SIPA1L3: variants seen among roughly 807,000 people sequenced by gnomAD.
The protein encoded by SIPA1L3 is signal-induced proliferation-associated 1-like protein 3.
SIPA1L3 carries 59 observed loss-of-function variants against 150.1 expected under a neutral mutation model. The ratio of observed to expected loss-of-function variants is 0.39; its 90% CI spans 0.32 to 0.49. The LOEUF (loss-of-function observed/expected upper bound fraction) is 0.49, where lower values mean the gene tolerates loss of function less well. Among genes scored for constraint, SIPA1L3 ranks in the 20% least tolerant of loss-of-function variants. SIPA1L3 has a pLI of 0.86. For synonymous variants in SIPA1L3, 1,070 were observed against 1,077.6 expected (o/e 0.99, Z 0.14); for missense variants, 2,211 against 2,489.5 (o/e 0.89, Z 2.38).
In SIPA1L3 at chr19:38,082,215, G is replaced by A. The variant is rs1332386144; in HGVS notation, c.650G>A (p.Ser217Asn). 1.2e-6 allele frequency: 2 copies of A among 1,602,692 alleles called. No homozygotes were observed. The highest frequency in any genetic ancestry group is 1.7e-6 in the Non-Finnish European group (2 of 1,179,750). ...GACGTGCAGGGCATGCCCGAGCAGA[G>A]CTTCTTCGACATCCTGAACGAGTTC... Reference protein sequence around the residue: ...SIDVQGMPEQSFFDILNEFRS... With the variant: ...SIDVQGMPEQNFFDILNEFRS... The change falls in exon 3 of 22, where the codon AGC (serine) becomes AAC (asparagine). Residue 217 changes from serine to asparagine, a missense_variant. By Grantham distance (46) the Ser-to-Asn change is conservative. Around this residue, in one of 5 missense-constraint regions of SIPA1L3, gnomAD observed 587 missense variants for 534.5 expected, o/e 1.10. Transcript: ENST00000222345.
chr19:38,105,772 T>C (rs983626858), intron 6 of SIPA1L3, among the ~76,000 whole-genome samples: 1 of 152,226 alleles, frequency 6.6e-6, no homozygotes, highest in Non-Finnish European at 1.5e-5. Flanking sequence ...TGTATATTTT[T>C]CCACAGTGTG....
At chr19:38,106,383 A>G (rs1970623892) in intron 6 of SIPA1L3, 154 bp from the exon 7 acceptor site, 1 of 642,110 alleles carries the variant, frequency 1.6e-6, no homozygotes, top group African/African-American at 1.8e-5. Context: ...CTGGGATTAT[A>G]GGTGTGAACC....
intron 1 of SIPA1L3, among the ~76,000 whole-genome samples, chr19:37,997,864 C>CA (rs967452351): frequency 0.094 from 6,457 of 68,744 alleles, 228 homozygotes; most frequent in African/African-American, 0.15. Context: ...GACTCCATCT[C>CA]AAAAAAAAAA....
chr19:38,001,282 A>G lies in SIPA1L3; in HGVS notation c.-378-27807A>G, dbSNP rs554263958. On this transcript the variant is annotated intron_variant, in intron 1 of 21. Transcript: ENST00000222345. ...TTCTACCTAGAAAGTTCTTGATATC[A>G]AAGATGATCCCTCAAACTCCATTCT... is the stretch of plus-strand genomic sequence containing the variant. Among the ~76,000 whole-genome samples, 32 of 152,052 alleles carry G rather than the reference A, an allele frequency of 2.1e-4. No homozygotes were observed. In the South Asian group the frequency reaches 6.2e-3, roughly 30 times the overall value.
chr19:38,063,218 A>G (rs2145784012), intron 2 of SIPA1L3, among the ~76,000 whole-genome samples: 1 of 149,792 alleles, frequency 6.7e-6, no homozygotes, highest in Non-Finnish European at 1.5e-5. Flanking sequence ...TCCCCACTCC[A>G]ACCTGGATAA....
chr19:38,006,381 C>T (rs1290927457), intron 1 of SIPA1L3, among the ~76,000 whole-genome samples: 2 of 152,036 alleles, frequency 1.3e-5, no homozygotes, highest in Admixed American at 6.6e-5. Context: ...TGGGGCATCA[C>T]GCCTTTTACC....
At chr19:38,063,362 C>T (rs1969498215) in intron 2 of SIPA1L3, among the ~76,000 whole-genome samples, 1 of 152,208 alleles carries the variant, frequency 6.6e-6, no homozygotes, top group Admixed American at 6.5e-5. Context: ...CGCCCCCCAT[C>T]CCCTCAGCCT....
intron 9 of SIPA1L3, among the ~76,000 whole-genome samples, chr19:38,124,995 A>AGAGTGGGAGAGGGAGACCGTGGGGAGAGG (rs1971138548): frequency 9.7e-6 from 1 of 103,076 alleles, no homozygotes; most frequent in Admixed American, 1.0e-4. Flanking sequence ...GACTGTGGAA[A>AGAGTGGGAGAGGGAGACCGTGGGGAGAGG]GAGAGGGAGA....
intron 16 of SIPA1L3, 137 bp from the exon 17 acceptor site, chr19:38,192,008 G>C (rs1972814843): frequency 1.4e-6 from 1 of 726,736 alleles, no homozygotes; most frequent in South Asian, 1.9e-5. Flanking sequence ...GCCCCTCTCT[G>C]CCACGCGTTT....
chr19:37,918,250 T>A (rs1422608005), intron 1 of SIPA1L3, among the ~76,000 whole-genome samples: 1 of 151,678 alleles, frequency 6.6e-6, no homozygotes, highest in East Asian at 2.0e-4. Context: ...TTCTTTGTTT[T>A]TTGTTTGTTT....
At chr19:37,987,560 G>A (rs1256202447) in intron 1 of SIPA1L3, among the ~76,000 whole-genome samples, 3 of 152,152 alleles carry the variant, frequency 2.0e-5, no homozygotes, top group Admixed American at 6.5e-5. Context: ...ACCCCCCAGC[G>A]GGGATCATCA....
chr19:38,120,619 G>T (rs1179702194), intron 9 of SIPA1L3, among the ~76,000 whole-genome samples: 2 of 152,230 alleles, frequency 1.3e-5, no homozygotes, highest in South Asian at 2.1e-4. Flanking sequence ...TTACATGGCA[G>T]GAATGAGTTC....
intron 1 of SIPA1L3, among the ~76,000 whole-genome samples, chr19:38,018,138 G>C (rs944220667): frequency 7.0e-6 from 1 of 142,666 alleles, no homozygotes; most frequent in African/African-American, 2.6e-5. Flanking sequence ...CATTCAGTCT[G>C]GATAGCCCTT....
chr19:38,120,196 T>TA (rs1568560369), intron 9 of SIPA1L3, among the ~76,000 whole-genome samples: 1 of 152,010 alleles, frequency 6.6e-6, no homozygotes, highest in African/African-American at 2.4e-5. Flanking sequence ...CCATGGCTCA[T>TA]ACCTGTAATC....
At chr19:37,973,562 G>T (rs573227130) in intron 1 of SIPA1L3, among the ~76,000 whole-genome samples, 2 of 142,314 alleles carry the variant, frequency 1.4e-5, no homozygotes, top group Non-Finnish European at 3.0e-5. Flanking sequence ...AAAGCGGGAG[G>T]GGGGCGCATC....
At chr19:38,146,581 C>T (rs899428256) in intron 12 of SIPA1L3, among the ~76,000 whole-genome samples, 1 of 152,102 alleles carries the variant, frequency 6.6e-6, no homozygotes, top group Admixed American at 6.6e-5. Context: ...GATAAATGCC[C>T]AGGAGTACAA....
Position 38,182,569 on chromosome 19 carries a change from G to A in SIPA1L3, c.4259G>A (p.Ser1420Asn), listed in dbSNP as rs781076511. Reference sequence around the variant, plus strand: ...CCCGCTCAGGTTTACAAAACTGCCAGTGCAGAGACTCCTCGGCCCTCCCAG... The same window carrying A: ...CCCGCTCAGGTTTACAAAACTGCCAATGCAGAGACTCCTCGGCCCTCCCAG... ...GYPAQVYKTASAETPRPSQLA... is the reference protein window; with the variant it reads ...GYPAQVYKTANAETPRPSQLA... Residue 1420 changes from serine (S) to asparagine (N), a missense_variant, in exon 16 of 22, where the codon AGT becomes AAT. By Grantham distance (46) the Ser-to-Asn change is conservative. Transcript: ENST00000222345. 6.8e-6 allele frequency: 11 copies of A among 1,614,016 alleles called. No individual in the cohort carries two copies. Among genetic ancestry groups the A allele is most frequent in the Non-Finnish European group, 2.5e-6 (3 of 1,180,014 alleles).
intron 2 of SIPA1L3, among the ~76,000 whole-genome samples, chr19:38,053,720 C>A (rs1294644915): frequency 6.6e-6 from 1 of 152,020 alleles, no homozygotes; most frequent in Non-Finnish European, 1.5e-5. Context: ...ACACGCCCAG[C>A]TAATTTTTAT....
intron 19 of SIPA1L3, among the ~76,000 whole-genome samples, chr19:38,201,345 C>G (rs183681995): frequency 1.3e-5 from 2 of 152,236 alleles, no homozygotes; most frequent in Admixed American, 1.3e-4. Flanking sequence ...CTGGCAGCCC[C>G]GTGCGATTTC....
Sources: allele counts gnomAD v4.1 joint callset (sites outside exome capture counted in the v4.1 genomes callset), GRCh38; gene constraint gnomAD v4.1.1; regional missense constraint gnomAD v4.1.1; transcripts MANE v1.5; gene names NCBI Gene and HGNC (gene_info 2026-07-23, HGNC 2026-07-21).